Variants in RNF125 observed in about 807,000 individuals in gnomAD.
The protein encoded by RNF125 is ring finger protein 125.
Under a neutral mutation model 26.0 loss-of-function variants are expected in RNF125, and 21 were observed. The ratio of observed to expected loss-of-function variants is 0.81; its 90% CI spans 0.57 to 1.16. RNF125 has a LOEUF of 1.16. Among genes scored for constraint, RNF125 ranks in the 50% most tolerant of loss-of-function variants. The probability of loss-of-function intolerance (pLI) is 0.00; values close to 1 mark genes in which losing one functional copy is unlikely to be tolerated. For missense variants in RNF125, 270 were observed against 299.4 expected, an observed-to-expected ratio of 0.90 and a Z score of 0.72; for synonymous variants, 95 against 109.2, an observed-to-expected ratio of 0.87 and a Z score of 0.81.
intron 4 of RNF125, among the ~76,000 whole-genome samples, chr18:32,057,078 A>G (rs2039392803): frequency 6.6e-6 from 1 of 152,208 alleles, no homozygotes. Flanking sequence ...CCCAGTTATT[A>G]CAAGGATTTT....
At chr18:32,073,426 A>G (rs1273651290), downstream of RNF125, among the ~76,000 whole-genome samples, 2 of 152,184 alleles carry the variant, frequency 1.3e-5, no homozygotes, top group Non-Finnish European at 2.9e-5. Flanking sequence ...ATCTAGATAC[A>G]GGTCAGGGAT....
chr18:32,040,750 CTTG>C (rs2039208957), intron 2 of RNF125, among the ~76,000 whole-genome samples: 1 of 152,116 alleles, frequency 6.6e-6, no homozygotes, highest in Non-Finnish European at 1.5e-5. Flanking sequence ...TAGTCCACGG[CTTG>C]TTAATTTTCA....
chr18:32,080,801 G>A, the RNF125 span, among the ~76,000 whole-genome samples: 1 of 152,354 alleles, frequency 6.6e-6, no homozygotes, highest in African/African-American at 2.4e-5. Flanking sequence ...GCGTGAACCC[G>A]GGAGGCGGAG....
At chr18:32,090,433 CG>C in the RNF125 span, among the ~76,000 whole-genome samples, 1 of 152,102 alleles carries the variant, frequency 6.6e-6, no homozygotes, top group Non-Finnish European at 1.5e-5. Flanking sequence ...GCTTCCACTG[CG>C]CTTGCTGCTA....
intron 1 of RNF125, 73 bp downstream of exon 1, chr18:32,019,100 G>A: frequency 6.5e-7 from 1 of 1,541,776 alleles, no homozygotes. Flanking sequence ...GGCATGGTGT[G>A]GGGAAGGAGG....
intron 3 of RNF125, among the ~76,000 whole-genome samples, chr18:32,045,332 G>A (rs1191586613): frequency 1.3e-5 from 2 of 151,962 alleles, no homozygotes; most frequent in Admixed American, 6.6e-5. Context: ...GCCGAGGTGG[G>A]TGGATCACCT....
the RNF125 span, among the ~76,000 whole-genome samples, chr18:32,087,416 G>A: frequency 6.6e-6 from 1 of 151,930 alleles, no homozygotes; most frequent in Non-Finnish European, 1.5e-5. Context: ...TGTAAGTGGT[G>A]TCTGGGGGTA....
At chr18:32,051,615 TAAAAA>T (rs71177836) in intron 4 of RNF125, among the ~76,000 whole-genome samples, 2 of 78,976 alleles carry the variant, frequency 2.5e-5, no homozygotes, top group African/African-American at 9.7e-5. Context: ...GACTCAGTCT[TAAAAA>T]AAAAAAAAAA....
At chr18:32,041,798 T>A (rs1314108516) in intron 2 of RNF125, 1 of 130,808 alleles carries the variant, frequency 7.6e-6, no homozygotes, top group Non-Finnish European at 1.6e-5. Context: ...GCCCGGCTAA[T>A]TTTTTGTATT....
intron 2 of RNF125, among the ~76,000 whole-genome samples, chr18:32,038,072 A>G (rs1313575374): frequency 1.2e-4 from 16 of 131,552 alleles, no homozygotes; most frequent in African/African-American, 3.9e-4. Context: ...TTTTTGAGAC[A>G]GAGTCTTGCT....
intron 1 of RNF125, among the ~76,000 whole-genome samples, chr18:32,036,170 A>G (rs2039151969): frequency 6.9e-6 from 1 of 144,416 alleles, no homozygotes; most frequent in South Asian, 2.2e-4. Flanking sequence ...AAAAAAAAAA[A>G]GAGAAGGAAA....
chr18:32,052,786 T>C (rs61038301), intron 4 of RNF125, among the ~76,000 whole-genome samples: 13,904 of 152,210 alleles, frequency 0.091, 2,080 homozygotes, highest in African/African-American at 0.32. Context: ...AGTGCACTGT[T>C]GTCCAGCTCT....
chr18:32,034,985 G>A (rs73413961), intron 1 of RNF125, among the ~76,000 whole-genome samples: 2,246 of 151,886 alleles, frequency 0.015, 48 homozygotes, highest in African/African-American at 0.05. Flanking sequence ...GGAGTTCTAC[G>A]TAAAGGGAGA....
intron 1 of RNF125, among the ~76,000 whole-genome samples, chr18:32,029,072 G>A (rs62093934): frequency 6.6e-6 from 1 of 152,136 alleles, no homozygotes; most frequent in African/African-American, 2.4e-5. Context: ...AGAACACTGT[G>A]CCATGAAAAG....
intron 2 of RNF125, among the ~76,000 whole-genome samples, chr18:32,040,224 G>C (rs1459921865): frequency 1.3e-5 from 2 of 151,370 alleles, no homozygotes; most frequent in African/African-American, 4.9e-5. Context: ...CATTCCTTGA[G>C]GCCTGGCCTT....
At chr18:32,028,313 A>G (rs1260314644) in intron 1 of RNF125, among the ~76,000 whole-genome samples, 1 of 150,204 alleles carries the variant, frequency 6.7e-6, no homozygotes, top group African/African-American at 2.4e-5. Flanking sequence ...AAAAAAAAAA[A>G]AAAAAAAAAA....
chr18:32,074,537 T>C (rs2144527815), downstream of RNF125, among the ~76,000 whole-genome samples: 1 of 152,170 alleles, frequency 6.6e-6, no homozygotes, highest in South Asian at 2.1e-4. Flanking sequence ...TGGTAGTATT[T>C]TCTTTTTCTT....
the RNF125 span, among the ~76,000 whole-genome samples, chr18:32,090,252 A>G: frequency 6.6e-6 from 1 of 152,104 alleles, no homozygotes; most frequent in African/African-American, 2.4e-5. Flanking sequence ...TCTCAAAAGA[A>G]AAAAGAAAAA....
intron 1 of RNF125, among the ~76,000 whole-genome samples, chr18:32,023,642 C>T (rs2039005858): frequency 6.6e-6 from 1 of 152,194 alleles, no homozygotes; most frequent in Non-Finnish European, 1.5e-5. Flanking sequence ...ACCACTGTCT[C>T]CAATTATGTC....
Sources: gnomAD v4.1 joint callset for allele counts (sites outside exome capture counted in the v4.1 genomes callset) on GRCh38, gnomAD v4.1.1 for gene constraint, MANE v1.5 for transcripts, NCBI Gene and HGNC (gene_info 2026-07-23, HGNC 2026-07-21) for gene names.